Variants in KATNB1 observed in about 807,000 individuals in gnomAD.
KATNB1 encodes the protein katanin p80 WD40 repeat-containing subunit B1.
Under a neutral mutation model 82.3 loss-of-function variants are expected in KATNB1, and 38 were observed. The ratio of observed to expected loss-of-function variants is 0.46; its 90% CI spans 0.36 to 0.61. The LOEUF is 0.61. Among genes scored for constraint, KATNB1 ranks in the 20% least tolerant of loss-of-function variants. The pLI is 0.00. For synonymous variants in KATNB1, 361 were observed against 368.7 expected (o/e 0.98, Z 0.24); for missense variants, 749 against 915.7 (o/e 0.82, Z 2.35).
At chr16:57,741,660 G>A in intron 2 of KATNB1, 27 bp from the exon 3 acceptor site, 1 of 1,601,206 alleles carries the variant, frequency 6.2e-7, no homozygotes, top group Non-Finnish European at 8.5e-7. Flanking sequence ...CCGCCCTGAT[G>A]GCCTCTCCCT....
rs111464858 is a variant in KATNB1 at position 57,756,267 on chromosome 16, T to G, written c.1719-89T>G. 1.9e-5 allele frequency: 24 copies of G among 1,262,460 alleles called. No individual in the cohort carries two copies. The African/African-American group carries it at 2.5e-4, about 13-fold the overall frequency. 78.2% of individuals were successfully genotyped at this position (1,262,460 alleles called of 1,614,324 possible). A position where few individuals can be genotyped will look rare whatever the true frequency, so the allele number is the denominator to read the frequency against. On this transcript the variant is annotated intron_variant, in intron 18 of 19. Transcript: ENST00000379661. ...ATGTGTGGGTGTGTCTGTGTCTGTTTCTGCCCCTCTCCTCCTTTGTTCCTT... is the reference window on the plus strand; with the variant it reads ...ATGTGTGGGTGTGTCTGTGTCTGTTGCTGCCCCTCTCCTCCTTTGTTCCTT...
intron 2 of KATNB1, among the ~76,000 whole-genome samples, chr16:57,737,943 TA>T (rs1369074170): frequency 6.6e-6 from 1 of 152,144 alleles, no homozygotes; most frequent in East Asian, 1.9e-4. Context: ...CAAACAAGAG[TA>T]TATAATCAAA....
intron 13 of KATNB1, among the ~76,000 whole-genome samples, chr16:57,754,238 C>T (rs555484798): frequency 5.9e-5 from 9 of 151,924 alleles, no homozygotes; most frequent in East Asian, 3.9e-4. Flanking sequence ...CACCACCACA[C>T]TGGGGGGCCT....
Position 57,753,274 on chromosome 16 carries a change from G to A in KATNB1, c.1046+7G>A. On this transcript the variant is annotated splice_region_variant and intron_variant, in intron 11 of 19. Transcript: ENST00000379661. ...CCTGCAGCAAGCCTCAGAGGTGAGG[G>A]CCTGGGGGGCCTTCGGGGGCCCAGG... The A allele has an allele frequency of 1.3e-6, 2 of 1,590,234 alleles. No homozygotes were observed. The highest frequency in any genetic ancestry group is 1.7e-6 in the Non-Finnish European group (2 of 1,165,650).
chr16:57,742,942 C>A (rs2049153306), intron 3 of KATNB1, among the ~76,000 whole-genome samples: 1 of 152,234 alleles, frequency 6.6e-6, no homozygotes, highest in East Asian at 1.9e-4. Context: ...CCTGCCCCAA[C>A]CCCCATCCCT....
At position 57,755,394 on chromosome 16, in the gene KATNB1, C is replaced by T; in HGVS notation, c.1466C>T (p.Ser489Leu). 6.2e-7 allele frequency: 1 copy of T among 1,613,308 alleles called. No individual in the cohort carries two copies. The highest frequency in any genetic ancestry group is 8.5e-7 in the Non-Finnish European group (1 of 1,180,026). Residue 489 changes from serine to leucine, a missense_variant, in exon 16 of 20, where the codon TCA becomes TTA. By Grantham distance (145) the Ser-to-Leu change is moderately radical. Transcript: ENST00000379661. ...QAELVDEDAM[S>L]QIRKGHDTMC... ...GAGCTGGTGGACGAGGATGCCATGT[C>T]ACAGATCCGCAAAGGCCACGACACC...
chr16:57,747,299 A>G (rs1290740803), intron 4 of KATNB1, among the ~76,000 whole-genome samples: 1 of 152,220 alleles, frequency 6.6e-6, no homozygotes, highest in African/African-American at 2.4e-5. Flanking sequence ...TGCTTTTTCC[A>G]GAAGAGAGCC....
intron 1 of KATNB1, chr16:57,736,133 A>C (rs1346148780): frequency 6.6e-6 from 1 of 152,482 alleles, no homozygotes; most frequent in Non-Finnish European, 1.5e-5. Flanking sequence ...AATAGGGAGA[A>C]GAGAAGTAGG....
At chr16:57,748,596 T>C (rs2049201134) in intron 4 of KATNB1, among the ~76,000 whole-genome samples, 1 of 151,938 alleles carries the variant, frequency 6.6e-6, no homozygotes, top group Admixed American at 6.6e-5. Flanking sequence ...GGGGTTCCTG[T>C]GTGGGGCAGA....
At chr16:57,743,874 C>T (rs545447832) in intron 3 of KATNB1, among the ~76,000 whole-genome samples, 2 of 152,384 alleles carry the variant, frequency 1.3e-5, no homozygotes, top group African/African-American at 4.8e-5. Context: ...CCTCCTCCAA[C>T]CGCCACAGCC....
Position 57,755,871 on chromosome 16 carries a change from G to A in KATNB1, c.1597G>A (p.Asp533Asn), listed in dbSNP as rs1438873089. 7 of 1,594,858 alleles carry A rather than the reference G, an allele frequency of 4.4e-6. No homozygotes were observed. The highest frequency in any genetic ancestry group is 2.2e-5 in the South Asian group (2 of 90,120). The part of the protein sequence containing the change: ...TSVDSAVAIN[D>N]LSVVVDLLNI... ...GGTGGACTCCGCTGTGGCCATCAAC[G>A]ACCTGTCGGTGGTGGTGGACCTCCT... Residue 533 changes from aspartate (D) to asparagine (N), a missense_variant, in exon 17 of 20, where the codon GAC (aspartate) becomes AAC (asparagine). By Grantham distance (23) the Asp-to-Asn change is conservative. Coordinates refer to ENST00000379661, the MANE Select transcript of KATNB1 (RefSeq NM_005886.3).
At position 57,757,153 on chromosome 16, in the gene KATNB1, T is replaced by C. The variant is rs966061887; in HGVS notation, c.*207T>C. 14 of 453,160 alleles carry C rather than the reference T, an allele frequency of 3.1e-5. 1 individual carries two copies. The Admixed American group carries it at 3.9e-4, about 13-fold the overall frequency. The allele number at this position is 453,160 out of a possible 1,614,324, so 28.1% of individuals were successfully genotyped here. A position where few individuals can be genotyped will look rare whatever the true frequency, so the allele number is the denominator to read the frequency against. On this transcript the variant is annotated 3_prime_UTR_variant, in exon 20 of 20. Transcript: ENST00000379661. The stretch of plus-strand genomic sequence containing the variant: ...CTCTCTCCAGCAATAGCTGCCCAGC[T>C]TTGCCCAACTGTTGCTTCTTGGGGC...
intron 18 of KATNB1, 119 bp downstream of exon 18, chr16:57,756,185 G>A: frequency 1.6e-6 from 2 of 1,259,270 alleles, no homozygotes; most frequent in Non-Finnish European, 2.3e-6. Context: ...TGGCTGTGAA[G>A]CATTGCTGCC....
chr16:57,735,957 T>TG (rs1252230834), intron 1 of KATNB1, 102 bp downstream of exon 1: 2 of 151,438 alleles, frequency 1.3e-5, no homozygotes, highest in African/African-American at 4.9e-5. Flanking sequence ...GCTCTGAGCG[T>TG]GGGGAGGCTA....
chr16:57,749,212 TGGG>T (rs2049205787), intron 4 of KATNB1, among the ~76,000 whole-genome samples: 6 of 152,228 alleles, frequency 3.9e-5, no homozygotes, highest in Non-Finnish European at 8.8e-5. Flanking sequence ...GAAATGTGAA[TGGG>T]ACTAATTAAG....
chr16:57,737,430 A>G lies in KATNB1; in HGVS notation c.40+147A>G, dbSNP rs527514533. 13 of 887,706 alleles carry G rather than the reference A, an allele frequency of 1.5e-5. No individual in the cohort carries two copies. In the African/African-American group the frequency reaches 1.7e-4, roughly 11 times the overall value. 55.0% of individuals were successfully genotyped at this position (887,706 alleles called of 1,614,324 possible). A position where few individuals can be genotyped will look rare whatever the true frequency, so the allele number is the denominator to read the frequency against. On this transcript the variant is annotated intron_variant, in intron 2 of 19. Transcript: ENST00000379661. ...AGTAAGATAGACCATTATGTAAATC[A>G]TGACTGTGGCACTTCTTAGCTGGGT...
At chr16:57,736,584 C>T (rs2049101527) in intron 1 of KATNB1, among the ~76,000 whole-genome samples, 1 of 152,114 alleles carries the variant, frequency 6.6e-6, no homozygotes, top group Non-Finnish European at 1.5e-5. Flanking sequence ...CTCTGGGATG[C>T]CTTTCCTAGG....
chr16:57,743,586 C>T (rs1434042325), intron 3 of KATNB1, among the ~76,000 whole-genome samples: 1 of 152,190 alleles, frequency 6.6e-6, no homozygotes, highest in African/African-American at 2.4e-5. Flanking sequence ...CGGGGCCAAC[C>T]GTCTGGGGCC....
Position 57,750,967 on chromosome 16 carries a change from T to C in KATNB1, c.390+40T>C. 5 of 1,531,890 alleles carry C rather than the reference T, an allele frequency of 3.3e-6. No homozygotes were observed. In the South Asian group the frequency reaches 4.5e-5, roughly 14 times the overall value. 94.9% of individuals were successfully genotyped at this position (1,531,890 alleles called of 1,614,324 possible). On this transcript the variant is annotated intron_variant, in intron 5 of 19. Transcript: ENST00000379661. ...CGTGCCCCGTGTCTCCTGCTGGGCCTGTGGCAGGACCAGCCCGGCCCGGCC... is the reference window on the plus strand; with the variant it reads ...CGTGCCCCGTGTCTCCTGCTGGGCCCGTGGCAGGACCAGCCCGGCCCGGCC...
Sources: allele counts gnomAD v4.1 joint callset (sites outside exome capture counted in the v4.1 genomes callset), GRCh38; gene constraint gnomAD v4.1.1; transcripts MANE v1.5; gene names NCBI Gene and HGNC (gene_info 2026-07-23, HGNC 2026-07-21).